Variants in MKX observed in about 807,000 individuals in gnomAD.
The protein encoded by MKX is mohawk homeobox.
MKX carries 13 observed loss-of-function variants against 36.0 expected under a neutral mutation model. The observed-to-expected ratio is 0.36, with a 90% CI of 0.24 to 0.57. MKX has a LOEUF of 0.57. MKX is among the 20% of genes least tolerant of loss of function. The pLI is 0.79. For missense variants in MKX, 458 were observed against 456.4 expected (o/e 1.00, Z -0.03); for synonymous variants, 176 against 178.3 (o/e 0.99, Z 0.10).
chr10:27,674,599 A>T lies in MKX; in HGVS notation c.*630T>A, dbSNP rs1836107076. 2 of 152,284 alleles carry T rather than the reference A, an allele frequency of 1.3e-5. No individual in the cohort carries two copies. The highest frequency in any genetic ancestry group is 6.5e-5 in the Admixed American group (1 of 15,284). 9.4% of individuals were successfully genotyped at this position (152,284 alleles called of 1,614,324 possible). On this transcript the variant is annotated 3_prime_UTR_variant, in exon 7 of 7. Coordinates refer to ENST00000419761, the MANE Select transcript of MKX (RefSeq NM_173576.3). ...TCAATGAAATTTTAAATTAGCTTGA[A>T]GGAATCACTTCTTAAATGTACAACG... is the stretch of plus-strand genomic sequence containing the variant.
At chr10:27,712,958 A>C (rs902279646) in intron 5 of MKX, among the ~76,000 whole-genome samples, 15 of 151,958 alleles carry the variant, frequency 9.9e-5, no homozygotes, top group African/African-American at 3.4e-4. Context: ...AACAATAATA[A>C]AGTCATATGA....
intron 5 of MKX, among the ~76,000 whole-genome samples, chr10:27,685,005 G>A (rs912408522): frequency 3.3e-5 from 5 of 152,136 alleles, no homozygotes; most frequent in African/African-American, 1.2e-4. Flanking sequence ...ATGTTATTTG[G>A]TTAAATGCCT....
chr10:27,719,819 C>T (rs1028075795), intron 5 of MKX, among the ~76,000 whole-genome samples: 3 of 151,292 alleles, frequency 2.0e-5, no homozygotes, highest in Admixed American at 6.6e-5. Flanking sequence ...ACTCCCATCT[C>T]AACAAAAAAA....
At chr10:27,675,464 G>A in intron 6 of MKX, 49 bp from the exon 7 acceptor site, 1 of 1,614,062 alleles carries the variant, frequency 6.2e-7, no homozygotes, top group South Asian at 1.1e-5. Context: ...ACTGCAGTTT[G>A]CATTGAAAAT....
intron 5 of MKX, among the ~76,000 whole-genome samples, chr10:27,718,249 G>A (rs1263498687): frequency 6.6e-6 from 1 of 152,174 alleles, no homozygotes; most frequent in African/African-American, 2.4e-5. Flanking sequence ...GAAGGTATTA[G>A]AGGAAAGCAA....
At position 27,711,429 on chromosome 10, in the gene MKX, CTCTTTCTTTCTTTCTTTCTT is replaced by C. The variant is rs749757379; in HGVS notation, c.838+23007_838+23026del. ...CTTTCCTTCTTTCTTTCTTTCTTTT[CTCTTTCTTTCTTTCTTTCTT>C]TCTTTCTTTCTTTCTTTCTTTCTTT... On this transcript the variant is annotated intron_variant, in intron 5 of 6. Transcript: ENST00000419761. Among the ~76,000 whole-genome samples, 39 of 114,654 alleles carry C rather than the reference CTCTTTCTTTCTTTCTTTCTT, an allele frequency of 3.4e-4. 1 individual carries two copies. Among genetic ancestry groups the C allele is most frequent in the South Asian group, 2.1e-3 (7 of 3,290 alleles). The allele number at this position is 114,654 out of a possible 152,430, so 75.2% of individuals were successfully genotyped here.
Position 27,744,416 on chromosome 10 carries a change from C to G in MKX, c.-82-919G>C, listed in dbSNP as rs562733260. Among the ~76,000 whole-genome samples the G allele has an allele frequency of 1.3e-5, 2 of 152,280 alleles. No individual in the cohort carries two copies. The highest frequency in any genetic ancestry group is 2.4e-5 in the African/African-American group (1 of 41,562). Reference sequence around the variant, plus strand: ...GGCAGGAGGCAGCTTGGTCGGCGCACCTCCCGGGCCACTGCTGCCACTGTC... The same window carrying G: ...GGCAGGAGGCAGCTTGGTCGGCGCAGCTCCCGGGCCACTGCTGCCACTGTC... On this transcript the variant is annotated intron_variant, in intron 1 of 6. Transcript: ENST00000419761. The surrounding 1 kb of genome is among the most constrained non-coding windows in gnomAD (Gnocchi z 5.6).
rs1400078670 is a variant in MKX, at chr10:27,742,777, C to T, written c.188+451G>A. 4.6e-5 allele frequency among the ~76,000 whole-genome samples: 7 copies of T among 152,176 alleles called. No individual in the cohort carries two copies. The highest frequency in any genetic ancestry group is 3.9e-4 in the East Asian group (2 of 5,116). ...CCGACTCCTTGGGCCAGGCGAGCCG[C>T]GGGGCTCTGGCGAGGGGCTCGAGTG... On this transcript the variant is annotated intron_variant, in intron 2 of 6. Transcript: ENST00000419761. This position sits in a 1 kb window ranked among gnomAD's most constrained non-coding sequence, Gnocchi z 4.2.
intron 5 of MKX, among the ~76,000 whole-genome samples, chr10:27,706,514 T>C (rs535882649): frequency 1.3e-5 from 2 of 151,856 alleles, no homozygotes; most frequent in African/African-American, 4.8e-5. Context: ...GGTCCTGATT[T>C]TTCCCCATCC....
chr10:27,685,130 G>T (rs527612275), intron 5 of MKX, among the ~76,000 whole-genome samples: 34 of 152,220 alleles, frequency 2.2e-4, no homozygotes, highest in Non-Finnish European at 4.7e-4. Context: ...AGGTCCCCTG[G>T]CCCTGGCCCT....
intron 5 of MKX, among the ~76,000 whole-genome samples, chr10:27,709,856 A>G (rs1836822494): frequency 6.6e-6 from 1 of 152,236 alleles, no homozygotes; most frequent in South Asian, 2.1e-4. Context: ...CACATAAGTC[A>G]TTTAACATGT....
At chr10:27,704,279 T>C (rs964018692) in intron 5 of MKX, among the ~76,000 whole-genome samples, 12 of 152,160 alleles carry the variant, frequency 7.9e-5, no homozygotes, top group Admixed American at 5.9e-4. Context: ...AATTACTTTG[T>C]AAATGTAACA....
chr10:27,689,274 C>T (rs560339508), intron 5 of MKX, among the ~76,000 whole-genome samples: 1 of 152,296 alleles, frequency 6.6e-6, no homozygotes, highest in Admixed American at 6.5e-5. Context: ...TTTTTCTACT[C>T]ACTGTTCATC....
intron 5 of MKX, among the ~76,000 whole-genome samples, chr10:27,697,559 G>A (rs1345938627): frequency 6.6e-6 from 1 of 152,182 alleles, no homozygotes; most frequent in Non-Finnish European, 1.5e-5. Flanking sequence ...AGGCCAAATT[G>A]TTAGTCAACA....
intron 5 of MKX, among the ~76,000 whole-genome samples, chr10:27,705,201 C>T (rs1005863209): frequency 6.6e-5 from 10 of 151,618 alleles, no homozygotes; most frequent in African/African-American, 9.7e-5. Context: ...AAACAGATTC[C>T]GGGCCTACAG....
intron 5 of MKX, among the ~76,000 whole-genome samples, chr10:27,696,913 A>G (rs1015070759): frequency 6.6e-6 from 1 of 152,160 alleles, no homozygotes; most frequent in Admixed American, 6.5e-5. Context: ...TTTAAAAGCT[A>G]CTTCTCTAAT....
chr10:27,691,850 C>T (rs945890584), intron 5 of MKX, among the ~76,000 whole-genome samples: 1 of 152,218 alleles, frequency 6.6e-6, no homozygotes, highest in African/African-American at 2.4e-5. Flanking sequence ...TGATGGCCTT[C>T]AGCTGCATCC....
chr10:27,714,898 A>C (rs1836936706), intron 5 of MKX, among the ~76,000 whole-genome samples: 1 of 152,190 alleles, frequency 6.6e-6, no homozygotes, highest in Non-Finnish European at 1.5e-5. Flanking sequence ...TTACAGAGTG[A>C]TGTGAAGTAA....
In MKX at chr10:27,674,897, TA is replaced by T. The variant is rs1836113515; in HGVS notation, c.*331del. ...GTCTGGAATGATGCACACAGGCTAA[TA>T]AGCATATGGCGTTGGCATTTTGAGG... On this transcript the variant is annotated 3_prime_UTR_variant, in exon 7 of 7. Coordinates refer to ENST00000419761, the MANE Select transcript of MKX (RefSeq NM_173576.3). The T allele has an allele frequency of 9.6e-6, 2 of 208,148 alleles. No individual in the cohort carries two copies. The highest frequency in any genetic ancestry group is 9.7e-6 in the Non-Finnish European group (1 of 103,014). The allele number at this position is 208,148 out of a possible 1,614,324, so 12.9% of individuals were successfully genotyped here.
Sources: gnomAD v4.1 joint callset for allele counts (sites outside exome capture counted in the v4.1 genomes callset) on GRCh38, gnomAD v4.1.1 for gene constraint, Gnocchi (gnomAD v3.1) non-coding constraint, MANE v1.5 for transcripts, NCBI Gene and HGNC (gene_info 2026-07-23, HGNC 2026-07-21) for gene names.